FBXL4: variants seen among roughly 807,000 people sequenced by gnomAD.
The protein encoded by FBXL4 is F-box and leucine rich repeat protein 4.
In FBXL4, 40 loss-of-function variants were observed where a neutral mutation model predicts 58.9. The ratio of observed to expected loss-of-function variants is 0.68; its 90% CI spans 0.53 to 0.88. FBXL4 has a LOEUF of 0.88. Among genes scored for constraint, FBXL4 ranks in the 40% least tolerant of loss-of-function variants. The pLI is 0.00. For missense variants in FBXL4, 676 were observed against 734.4 expected (o/e 0.92, Z 0.92); for synonymous variants, 263 against 265.5 (o/e 0.99, Z 0.09).
At chr6:98,897,274 T>C (rs1771441751) in intron 7 of FBXL4, 1 of 985,056 alleles carries the variant, frequency 1.0e-6, no homozygotes, top group South Asian at 4.7e-5. Context: ...GAATGAACAG[T>C]CCTACCCAAG....
chr6:98,915,909 G>A (rs937810612), intron 5 of FBXL4, among the ~76,000 whole-genome samples: 107 of 151,230 alleles, frequency 7.1e-4, no homozygotes, highest in Non-Finnish European at 8.4e-4. Context: ...GAAAATTTTC[G>A]CAACCTACTC....
chr6:98,915,347 A>G (rs1416711708), intron 5 of FBXL4, among the ~76,000 whole-genome samples: 1 of 152,258 alleles, frequency 6.6e-6, no homozygotes, highest in African/African-American at 2.4e-5. Flanking sequence ...AACAAAAAAG[A>G]GCCCACATCA....
chr6:98,873,510 C>T lies in FBXL4; in HGVS notation c.*768G>A, dbSNP rs1469854986. The T allele has an allele frequency of 6.6e-6, 1 of 151,468 alleles. No homozygotes were observed. The highest frequency in any genetic ancestry group is 2.4e-5 in the African/African-American group (1 of 41,204). 9.4% of individuals were successfully genotyped at this position (151,468 alleles called of 1,614,324 possible). On this transcript the variant is annotated 3_prime_UTR_variant, in exon 10 of 10. Transcript: ENST00000369244. ...GTTTACCTCTTATTCTTGATTATACCCAAATTTTTATATTGGCATTATCCA... is the reference window on the plus strand; with the variant it reads ...GTTTACCTCTTATTCTTGATTATACTCAAATTTTTATATTGGCATTATCCA...
intron 7 of FBXL4, among the ~76,000 whole-genome samples, chr6:98,884,729 A>G (rs534870073): frequency 6.6e-6 from 1 of 152,198 alleles, no homozygotes; most frequent in Admixed American, 6.5e-5. Flanking sequence ...GAAGACTCAT[A>G]TCTCTCTTCA....
At chr6:98,921,231 C>T (rs1399696040) in intron 4 of FBXL4, among the ~76,000 whole-genome samples, 1 of 151,972 alleles carries the variant, frequency 6.6e-6, no homozygotes, top group Non-Finnish European at 1.5e-5. Context: ...ACCTGTTATA[C>T]CACTAAGAAA....
In FBXL4 at chr6:98,870,145, C is replaced by T. The variant is rs1441500319; in HGVS notation, c.*4133G>A. 6 of 152,116 alleles carry T rather than the reference C, an allele frequency of 3.9e-5. No individual in the cohort carries two copies. Among genetic ancestry groups the T allele is most frequent in the Non-Finnish European group, 7.4e-5 (5 of 68,000 alleles). The allele number at this position is 152,116 out of a possible 1,614,324, so 9.4% of individuals were successfully genotyped here. On this transcript the variant is annotated 3_prime_UTR_variant, in exon 10 of 10. Coordinates refer to ENST00000369244, the MANE Select transcript of FBXL4 (RefSeq NM_001278716.2). ...TTTTTTCTAACAAAACACTGCTCTT[C>T]ATTTTAAAATCTAAATGGCAAAATG... is the stretch of plus-strand genomic sequence containing the variant.
At chr6:98,915,551 G>C (rs369245653) in intron 5 of FBXL4, among the ~76,000 whole-genome samples, 1 of 150,940 alleles carries the variant, frequency 6.6e-6, no homozygotes, top group Non-Finnish European at 1.5e-5. Flanking sequence ...ACAAACCTGA[G>C]AAAAACAAGC....
intron 7 of FBXL4, among the ~76,000 whole-genome samples, chr6:98,894,492 G>A (rs1272125750): frequency 6.6e-6 from 1 of 152,092 alleles, no homozygotes; most frequent in African/African-American, 2.4e-5. Flanking sequence ...CATTTCACTA[G>A]TAATTCTGGG....
intron 8 of FBXL4, among the ~76,000 whole-genome samples, chr6:98,879,148 A>G (rs1163132748): frequency 6.6e-6 from 1 of 152,222 alleles, no homozygotes; most frequent in East Asian, 1.9e-4. Flanking sequence ...GAGGTGTTCA[A>G]ATGGTACTCA....
At chr6:98,929,084 C>T (rs920399371) in intron 2 of FBXL4, among the ~76,000 whole-genome samples, 4 of 152,142 alleles carry the variant, frequency 2.6e-5, no homozygotes, top group African/African-American at 9.7e-5. Context: ...AAATATTTGA[C>T]ATGTTGATAG....
At chr6:98,898,876 C>A (rs1482610349) in intron 7 of FBXL4, 2 of 985,196 alleles carry the variant, frequency 2.0e-6, no homozygotes, top group South Asian at 4.7e-5. Context: ...CAAATTTTAA[C>A]CCCCAAGTCT....
intron 4 of FBXL4, among the ~76,000 whole-genome samples, chr6:98,918,435 G>A (rs999235140): frequency 6.6e-6 from 1 of 151,806 alleles, no homozygotes; most frequent in East Asian, 1.9e-4. Context: ...GTCTTTGCTC[G>A]TGTTATCTTC....
At chr6:98,944,485 AAT>A (rs2128414467) in intron 1 of FBXL4, among the ~76,000 whole-genome samples, 1 of 152,364 alleles carries the variant, frequency 6.6e-6, no homozygotes, top group Non-Finnish European at 1.5e-5. Context: ...AAAGAAATGC[AAT>A]ACTAAAACAA....
At chr6:98,884,389 T>C (rs1425277273) in intron 7 of FBXL4, among the ~76,000 whole-genome samples, 2 of 152,146 alleles carry the variant, frequency 1.3e-5, no homozygotes, top group Non-Finnish European at 2.9e-5. Context: ...AATAACTTAA[T>C]GTTTACCCTC....
chr6:98,913,240 C>T (rs1008864660), intron 5 of FBXL4, among the ~76,000 whole-genome samples: 1 of 152,118 alleles, frequency 6.6e-6, no homozygotes, highest in Admixed American at 6.5e-5. Flanking sequence ...GACTTTAACA[C>T]CCCACTGTCA....
rs80023883 is a variant in FBXL4, at chr6:98,909,233, T to C, written c.859-3563A>G. On this transcript the variant is annotated intron_variant, in intron 5 of 9. Coordinates refer to ENST00000369244, the MANE Select transcript of FBXL4 (RefSeq NM_001278716.2). ...AAGATCACTGGCTGAAGGGATAAAA[T>C]GCAAATCTCTTGGTGAAACCCAAAC... Among the ~76,000 whole-genome samples the C allele has an allele frequency of 2.0e-5, 3 of 152,278 alleles. No homozygotes were observed. In the East Asian group the frequency reaches 5.8e-4, roughly 29 times the overall value.
intron 7 of FBXL4, among the ~76,000 whole-genome samples, chr6:98,893,573 A>T (rs1771306026): frequency 6.6e-6 from 1 of 152,224 alleles, no homozygotes; most frequent in Non-Finnish European, 1.5e-5. Context: ...ACTGGGGGGT[A>T]GGACTTCAAT....
At chr6:98,887,971 C>T (rs1206534478) in intron 7 of FBXL4, among the ~76,000 whole-genome samples, 2 of 152,214 alleles carry the variant, frequency 1.3e-5, no homozygotes, top group Non-Finnish European at 2.9e-5. Flanking sequence ...TTTACAATGT[C>T]TTTAAATCCA....
At chr6:98,919,540 C>A (rs1772499000) in intron 4 of FBXL4, among the ~76,000 whole-genome samples, 1 of 152,132 alleles carries the variant, frequency 6.6e-6, no homozygotes, top group African/African-American at 2.4e-5. Context: ...GAAAGAGAAG[C>A]AGGCTGGGTA....
Sources: gnomAD v4.1 joint callset for allele counts (sites outside exome capture counted in the v4.1 genomes callset) on GRCh38, gnomAD v4.1.1 for gene constraint, MANE v1.5 for transcripts, NCBI Gene and HGNC (gene_info 2026-07-23, HGNC 2026-07-21) for gene names.